Variants in PROM1 observed in about 807,000 individuals in gnomAD.
The protein encoded by PROM1 is prominin 1, also known as prominin-1.
Under a neutral mutation model 116.9 loss-of-function variants are expected in PROM1, and 105 were observed. The observed-to-expected ratio is 0.90, with a 90% CI of 0.77 to 1.06. The LOEUF (loss-of-function observed/expected upper bound fraction) is 1.06. PROM1 is among the 50% of genes least tolerant of loss of function. The probability of loss-of-function intolerance (pLI) is 0.00; values close to 1 mark genes in which losing one functional copy is unlikely to be tolerated. For missense variants in PROM1, 1,122 were observed against 1,045.2 expected, an observed-to-expected ratio of 1.07 and a Z score of -1.01; for synonymous variants, 393 against 387.0, an observed-to-expected ratio of 1.02 and a Z score of -0.18.
intron 19 of PROM1, among the ~76,000 whole-genome samples, chr4:15,989,458 G>A (rs1720388561): frequency 6.6e-6 from 1 of 152,246 alleles, no homozygotes; most frequent in South Asian, 2.1e-4. Flanking sequence ...GGGCATAGGA[G>A]GGCCTGCTCA....
At chr4:15,978,601 A>C (rs1007463367) in intron 26 of PROM1, among the ~76,000 whole-genome samples, 3 of 152,156 alleles carry the variant, frequency 2.0e-5, no homozygotes, top group Non-Finnish European at 4.4e-5. Flanking sequence ...GATCTCCCCC[A>C]TGCACCAACG....
rs549940866 is a variant in PROM1 at position 16,005,428 on chromosome 4, A to T, written c.1454+1110T>A. 3.3e-5 allele frequency among the ~76,000 whole-genome samples: 5 copies of T among 150,854 alleles called. No individual in the cohort carries two copies. In the South Asian group the frequency reaches 1.1e-3, roughly 32 times the overall value. ...GGAGCCTAATTATTGTAGGGAAAGGATTTATAATCATAGCTTGTAAGAAGC... is the reference window on the plus strand; with the variant it reads ...GGAGCCTAATTATTGTAGGGAAAGGTTTTATAATCATAGCTTGTAAGAAGC... On this transcript the variant is annotated intron_variant, in intron 13 of 27. Transcript: ENST00000447510.
At chr4:16,033,237 C>T in intron 5 of PROM1, 67 bp downstream of exon 5, 2 of 1,370,644 alleles carry the variant, frequency 1.5e-6, no homozygotes, top group Admixed American at 2.2e-5. Context: ...ATGGTTTAAC[C>T]ATAAAAATGT....
At chr4:16,027,213 A>G (rs1731514883) in intron 5 of PROM1, among the ~76,000 whole-genome samples, 1 of 152,156 alleles carries the variant, frequency 6.6e-6, no homozygotes, top group East Asian at 1.9e-4. Flanking sequence ...AATGCACTAC[A>G]GCAATAAGAG....
intron 2 of PROM1, among the ~76,000 whole-genome samples, chr4:16,056,389 G>A (rs1216901283): frequency 6.6e-6 from 1 of 152,152 alleles, no homozygotes; most frequent in African/African-American, 2.4e-5. Context: ...ATCCGCTCTT[G>A]CACGCAACAA....
chr4:15,977,914 T>A (rs1034128580), intron 26 of PROM1, among the ~76,000 whole-genome samples: 2 of 152,204 alleles, frequency 1.3e-5, no homozygotes, highest in African/African-American at 4.8e-5. Context: ...TTGATTTTTT[T>A]AATTATCACC....
chr4:16,039,704 C>G (rs947384473), intron 2 of PROM1, among the ~76,000 whole-genome samples: 1 of 144,144 alleles, frequency 6.9e-6, no homozygotes, highest in African/African-American at 2.6e-5. Context: ...CGCCACTGCA[C>G]TCCAGACTGT....
chr4:15,981,786 A>C (rs1718036417), intron 23 of PROM1, among the ~76,000 whole-genome samples: 1 of 152,214 alleles, frequency 6.6e-6, no homozygotes, highest in Admixed American at 6.5e-5. Flanking sequence ...TTTTGTCTAA[A>C]GAGCAATGTT....
chr4:16,009,098 C>A lies in PROM1; in HGVS notation c.1152G>T (p.Arg384Ser). 1.9e-6 allele frequency: 3 copies of A among 1,612,154 alleles called. No homozygotes were observed. Among genetic ancestry groups the A allele is most frequent in the Non-Finnish European group, 2.5e-6 (3 of 1,179,006 alleles). Residue 384 changes from arginine (R) to serine (S), a missense_variant, in exon 12 of 28, where the codon AGG becomes AGT. Physicochemically the swap from Arg to Ser is moderately radical, Grantham distance 110. Coordinates refer to ENST00000447510, the MANE Select transcript of PROM1 (RefSeq NM_006017.3). ...TATCTGAACCAATGGAATTCAAGAC[C>A]CTTTTGATACCTGAAAACAAAGATA... ...QTTTVVAGIK[R>S]VLNSIGSDID...
chr4:16,037,897 C>T (rs918718440), intron 3 of PROM1: 2 of 152,172 alleles, frequency 1.3e-5, no homozygotes, highest in Non-Finnish European at 2.9e-5. Flanking sequence ...ATGCAAGGAG[C>T]CTTGATACTT....
chr4:16,066,169 C>A lies in PROM1; in HGVS notation c.220+9518G>T, dbSNP rs115027845. Among the ~76,000 whole-genome samples, 341 of 152,308 alleles carry A rather than the reference C, an allele frequency of 2.2e-3. 3 individuals are homozygous for A. Among genetic ancestry groups the A allele is most frequent in the African/African-American group, 4.9e-3 (202 of 41,574 alleles). On this transcript the variant is annotated intron_variant, in intron 2 of 27. Coordinates refer to ENST00000447510, the MANE Select transcript of PROM1 (RefSeq NM_006017.3). The stretch of plus-strand genomic sequence containing the variant: ...AATACACTTCTGCCATTTTAAGCTA[C>A]CTGGTTTGTGATAATGTGTTATGGT...
intron 11 of PROM1, 94 bp downstream of exon 11, chr4:16,013,179 GTT>G: frequency 1.0e-6 from 1 of 995,610 alleles, no homozygotes; most frequent in Non-Finnish European, 1.5e-6. Flanking sequence ...ATGAGAAACT[GTT>G]TTTTTAAGAG....
chr4:16,004,186 C>T (rs193047255), intron 13 of PROM1, among the ~76,000 whole-genome samples: 29 of 152,304 alleles, frequency 1.9e-4, no homozygotes, highest in African/African-American at 7.0e-4. Context: ...GCCATGCTGA[C>T]TGGTTGCATT....
At chr4:16,055,875 G>A (rs1288732423) in intron 2 of PROM1, among the ~76,000 whole-genome samples, 1 of 152,018 alleles carries the variant, frequency 6.6e-6, no homozygotes, top group Non-Finnish European at 1.5e-5. Context: ...GAATGTTCTG[G>A]GAAAAGAATC....
intron 3 of PROM1, 130 bp downstream of exon 3, chr4:16,038,816 G>A (rs758377149): frequency 1.2e-4 from 110 of 933,122 alleles, no homozygotes; most frequent in Non-Finnish European, 1.5e-4. Context: ...TTCCATGAAA[G>A]TTCTTAGTCA....
chr4:16,016,538 T>G (rs1487833924), intron 9 of PROM1, among the ~76,000 whole-genome samples: 1 of 152,208 alleles, frequency 6.6e-6, no homozygotes, highest in African/African-American at 2.4e-5. Flanking sequence ...CTAAAGATGG[T>G]CCAATAAAAT....
chr4:15,996,208 G>T lies in PROM1; in HGVS notation c.1683-2137C>A, dbSNP rs140762295. Among the ~76,000 whole-genome samples, 1,370 of 152,222 alleles carry T rather than the reference G, an allele frequency of 9.0e-3. 17 individuals are homozygous for T. The highest frequency in any genetic ancestry group is 0.032 in the African/African-American group (1,310 of 41,536). On this transcript the variant is annotated intron_variant, in intron 15 of 27. Transcript: ENST00000447510. The stretch of plus-strand genomic sequence containing the variant: ...TACCACTTAGCATAATATTTATTAG[G>T]TAATAGAAATAAACAGTAATGGCCG...
At chr4:16,013,868 T>C (rs1191932661) in intron 10 of PROM1, among the ~76,000 whole-genome samples, 1 of 151,984 alleles carries the variant, frequency 6.6e-6, no homozygotes, top group Non-Finnish European at 1.5e-5. Context: ...CACTATCCCA[T>C]GGGCAGACAG....
chr4:15,998,884 G>A (rs756240145), intron 14 of PROM1, among the ~76,000 whole-genome samples: 25 of 151,942 alleles, frequency 1.6e-4, no homozygotes, highest in Non-Finnish European at 3.4e-4. Flanking sequence ...GGCTAGTTTT[G>A]TAGTTTTAGT....
Sources: allele counts gnomAD v4.1 joint callset (sites outside exome capture counted in the v4.1 genomes callset), GRCh38; gene constraint gnomAD v4.1.1; transcripts MANE v1.5; gene names NCBI Gene and HGNC (gene_info 2026-07-23, HGNC 2026-07-21).